MCHR2: variants seen among roughly 807,000 people sequenced by gnomAD.
MCHR2 encodes melanin concentrating hormone receptor 2.
A neutral mutation model predicts 24.8 loss-of-function variants in MCHR2; 15 were observed. The ratio of observed to expected loss-of-function variants is 0.60; its 90% CI spans 0.40 to 0.93. The LOEUF (loss-of-function observed/expected upper bound fraction) is 0.93, where lower values mean the gene tolerates loss of function less well. Ranked by LOEUF, MCHR2 falls within the 40% of genes least tolerant of loss-of-function variation. MCHR2 has a pLI of 0.00. For missense variants in MCHR2, 386 were observed against 408.7 expected (o/e 0.94, Z 0.48); for synonymous variants, 151 against 147.6 (o/e 1.02, Z -0.17).
chr6:99,962,486 T>C (rs1775207903), intron 1 of MCHR2, among the ~76,000 whole-genome samples: 1 of 152,112 alleles, frequency 6.6e-6, no homozygotes, highest in Non-Finnish European at 1.5e-5. Context: ...TGCCAAAGTA[T>C]ACAATTGAGG....
intron 1 of MCHR2, among the ~76,000 whole-genome samples, chr6:99,958,943 C>T (rs1490647109): frequency 6.6e-6 from 1 of 152,134 alleles, no homozygotes; most frequent in Non-Finnish European, 1.5e-5. Context: ...CCTGGGGGCT[C>T]CTTAGAACAA....
chr6:99,941,628 C>T (rs890245710), intron 4 of MCHR2, among the ~76,000 whole-genome samples: 3 of 152,122 alleles, frequency 2.0e-5, no homozygotes, highest in Non-Finnish European at 4.4e-5. Context: ...GAGCTTGCTT[C>T]CTGTCTCTCT....
chr6:99,954,796 T>A (rs1297233982), intron 2 of MCHR2, among the ~76,000 whole-genome samples: 2 of 152,116 alleles, frequency 1.3e-5, no homozygotes, highest in Non-Finnish European at 2.9e-5. Flanking sequence ...GCTGAGAGAG[T>A]GACGCCTTTA....
intron 2 of MCHR2, among the ~76,000 whole-genome samples, chr6:99,951,010 A>T (rs894162549): frequency 1.3e-5 from 2 of 152,152 alleles, no homozygotes; most frequent in African/African-American, 4.8e-5. Flanking sequence ...AGGAGAAGCC[A>T]GAATGTAGCC....
At chr6:99,968,382 C>A (rs141591931) in intron 1 of MCHR2, among the ~76,000 whole-genome samples, 1,887 of 152,272 alleles carry the variant, frequency 0.012, 41 homozygotes, top group African/African-American at 0.043. Flanking sequence ...ATTGTTTAGA[C>A]AACAGCTAGA....
At chr6:99,935,698 A>G (rs1405000736) in intron 4 of MCHR2, among the ~76,000 whole-genome samples, 1 of 151,990 alleles carries the variant, frequency 6.6e-6, no homozygotes. Flanking sequence ...TTGGTATATT[A>G]ATATCGTTTC....
intron 1 of MCHR2, among the ~76,000 whole-genome samples, chr6:99,961,545 T>G (rs143465613): frequency 0.019 from 2,892 of 152,278 alleles, 33 homozygotes; most frequent in Middle Eastern, 0.048. Context: ...GATAAGTTCA[T>G]GTCCTTTGCG....
rs568298603 is a variant in MCHR2, at chr6:99,962,203, C to G, written c.-27-6029G>C. 2.1e-4 allele frequency among the ~76,000 whole-genome samples: 32 copies of G among 152,264 alleles called. 1 individual carries two copies. Among genetic ancestry groups the G allele is most frequent in the Admixed American group, 1.6e-3 (25 of 15,286 alleles). On this transcript the variant is annotated intron_variant, in intron 1 of 5. Coordinates refer to ENST00000281806, the MANE Select transcript of MCHR2 (RefSeq NM_001040179.2). ...GTGACAGTCAGTCTGATAACTGAGA[C>G]AGCTACTAAGTGACTAGCAGGCAGG...
At chr6:99,993,784 T>A (rs746687407) in intron 1 of MCHR2, among the ~76,000 whole-genome samples, 152 bp downstream of exon 1, 62 of 151,840 alleles carry the variant, frequency 4.1e-4, no homozygotes, top group Non-Finnish European at 7.7e-4. Context: ...TGGAGGGGGA[T>A]CCCCCAGCAA....
intron 1 of MCHR2, among the ~76,000 whole-genome samples, chr6:99,968,762 G>A (rs1239935387): frequency 6.6e-6 from 1 of 151,684 alleles, no homozygotes; most frequent in Non-Finnish European, 1.5e-5. Flanking sequence ...AAATTTCAAA[G>A]AATTGAAATC....
chr6:99,943,016 C>A lies in MCHR2; in HGVS notation c.520G>T (p.Val174Phe), dbSNP rs373216169. The stretch of plus-strand genomic sequence containing the variant: ...TCAACACCGTCTTTAAATTTGATGA[C>A]CTTCGAGTAGACCCAGACAGGCAAT... Reference protein sequence around the residue: ...LALPVWVYSKVIKFKDGVESC... With the variant: ...LALPVWVYSKFIKFKDGVESC... Residue 174 changes from valine to phenylalanine, a missense_variant, in exon 4 of 6, where the codon GTC (valine) becomes TTC (phenylalanine). Physicochemically the swap from Val to Phe is conservative, Grantham distance 50 (BLOSUM62 -1). Transcript: ENST00000281806. 3.7e-6 allele frequency: 6 copies of A among 1,612,898 alleles called. No homozygotes were observed. The highest frequency in any genetic ancestry group is 1.3e-5 in the African/African-American group (1 of 74,858).
chr6:99,974,230 C>T (rs147529601), intron 1 of MCHR2, among the ~76,000 whole-genome samples: 3,002 of 152,056 alleles, frequency 0.02, 88 homozygotes, highest in East Asian at 0.12. Flanking sequence ...TTCACATAGT[C>T]CCATATTTCT....
In MCHR2 at chr6:99,921,076, T is replaced by C. The variant is rs763905544; in HGVS notation, c.887A>G (p.Tyr296Cys). 1.9e-6 allele frequency: 3 copies of C among 1,614,196 alleles called. No individual in the cohort carries two copies. In the South Asian group the frequency reaches 3.3e-5, roughly 18 times the overall value. The change falls in exon 6 of 6, where the codon TAT becomes TGT. Residue 296 changes from tyrosine (Y) to cysteine (C), a missense_variant. Physicochemically the swap from Tyr to Cys is radical, Grantham distance 194. Transcript: ENST00000281806. ...AAAAGGGTTAATGCTGCTGCTGGCA[T>C]AGCTGAGACAGATGGAGAGGTAATA... Reference protein sequence around the residue: ...VGYYLSICLSYASSSINPFLY... With the variant: ...VGYYLSICLSCASSSINPFLY...
chr6:99,961,105 A>G (rs1041041517), intron 1 of MCHR2, among the ~76,000 whole-genome samples: 7 of 152,154 alleles, frequency 4.6e-5, no homozygotes, highest in Non-Finnish European at 8.8e-5. Context: ...AATATCCAGA[A>G]TCCACTTAAA....
chr6:99,940,586 G>A (rs1483443825), intron 4 of MCHR2, among the ~76,000 whole-genome samples: 1 of 152,138 alleles, frequency 6.6e-6, no homozygotes, highest in African/African-American at 2.4e-5. Context: ...TCAGTTACTG[G>A]TTCCCTGATG....
At chr6:99,948,517 ATAAC>A (rs1774915458) in intron 2 of MCHR2, among the ~76,000 whole-genome samples, 1 of 152,148 alleles carries the variant, frequency 6.6e-6, no homozygotes, top group Non-Finnish European at 1.5e-5. Flanking sequence ...AAGCCTTCAG[ATAAC>A]TGTAACCCTG....
chr6:99,971,777 T>C (rs1194188892), intron 1 of MCHR2, among the ~76,000 whole-genome samples: 1 of 152,238 alleles, frequency 6.6e-6, no homozygotes, highest in Non-Finnish European at 1.5e-5. Flanking sequence ...TGAAGTGTTG[T>C]TGAATTTTGT....
intron 1 of MCHR2, among the ~76,000 whole-genome samples, chr6:99,965,599 G>A (rs1479808583): frequency 6.6e-6 from 1 of 151,964 alleles, no homozygotes; most frequent in Non-Finnish European, 1.5e-5. Flanking sequence ...GAGAGATTTA[G>A]GATACACGAA....
rs371519114 is a variant in MCHR2 at position 99,975,619 on chromosome 6, C to T, written c.-28+18317G>A. 5.0e-4 allele frequency among the ~76,000 whole-genome samples: 76 copies of T among 152,322 alleles called. No individual in the cohort carries two copies. In the East Asian group the frequency reaches 9.7e-3, roughly 19 times the overall value. ...CTGGCACTCCCTAGTGAGATGAACC[C>T]GGTGCCTCAGATGGAAATGCAGAAA... On this transcript the variant is annotated intron_variant, in intron 1 of 5. Coordinates refer to ENST00000281806, the MANE Select transcript of MCHR2 (RefSeq NM_001040179.2).
Sources: gnomAD v4.1 joint callset for allele counts (sites outside exome capture counted in the v4.1 genomes callset) on GRCh38, gnomAD v4.1.1 for gene constraint, MANE v1.5 for transcripts, NCBI Gene and HGNC (gene_info 2026-07-23, HGNC 2026-07-21) for gene names.